Variants in AP2A2 observed in about 807,000 individuals in gnomAD.
The protein encoded by AP2A2 is AP-2 complex subunit alpha-2.
In AP2A2, 32 loss-of-function variants were observed where a neutral mutation model predicts 104.2. That is an observed-to-expected ratio of 0.31 (90% CI 0.23 to 0.41). AP2A2 has a LOEUF of 0.41. Ranked by LOEUF, AP2A2 falls within the 10% of genes least tolerant of loss-of-function variation. AP2A2 has a pLI of 1.00. For synonymous variants in AP2A2, 539 were observed against 533.3 expected, an observed-to-expected ratio of 1.01 and a Z score of -0.15; for missense variants, 912 against 1,261.0, an observed-to-expected ratio of 0.72 and a Z score of 4.19.
At chr11:962,356 C>T (rs987403310) in intron 2 of AP2A2, among the ~76,000 whole-genome samples, 9 of 152,218 alleles carry the variant, frequency 5.9e-5, no homozygotes, top group African/African-American at 2.2e-4. Context: ...AGATGAAATT[C>T]GAATGGGAGG....
At chr11:1,004,875 C>G (rs1590020728) in intron 16 of AP2A2, among the ~76,000 whole-genome samples, 1 of 151,966 alleles carries the variant, frequency 6.6e-6, no homozygotes, top group Non-Finnish European at 1.5e-5. Context: ...GACGTTGGAG[C>G]CTTGTACGCC....
chr11:929,198 T>C (rs1180069205), intron 1 of AP2A2, among the ~76,000 whole-genome samples: 1 of 152,196 alleles, frequency 6.6e-6, no homozygotes, highest in Admixed American at 6.5e-5. Context: ...TTGACCTCCA[T>C]GTCACAGGCA....
chr11:1,007,547 C>T (rs1049311515), intron 17 of AP2A2: 2 of 190,312 alleles, frequency 1.1e-5, no homozygotes, highest in African/African-American at 4.8e-5. Flanking sequence ...GTCACTGTTT[C>T]TTCAGGAGAG....
At chr11:941,808 A>T (rs1243749186) in intron 1 of AP2A2, among the ~76,000 whole-genome samples, 7 of 151,198 alleles carry the variant, frequency 4.6e-5, no homozygotes, top group African/African-American at 1.7e-4. Context: ...GCTGGTGTTG[A>T]ACTCCTGATC....
At chr11:1,007,876 T>A in intron 17 of AP2A2, 136 bp from the exon 18 acceptor site, 1 of 1,287,044 alleles carries the variant, frequency 7.8e-7, no homozygotes, top group African/African-American at 1.5e-5. Flanking sequence ...GTGGTGTGGC[T>A]GCCCTCGACC....
At chr11:1,000,023 G>C (rs1168654669) in intron 14 of AP2A2, among the ~76,000 whole-genome samples, 3 of 151,508 alleles carry the variant, frequency 2.0e-5, no homozygotes, top group Non-Finnish European at 4.4e-5. Flanking sequence ...AGCCAGGGTG[G>C]TCTCGATCTC....
At chr11:985,937 G>T (rs746294683) in intron 8 of AP2A2, among the ~76,000 whole-genome samples, 1 of 152,238 alleles carries the variant, frequency 6.6e-6, no homozygotes, top group South Asian at 2.1e-4. Flanking sequence ...ATGTGGAGCC[G>T]CACTTGGTGG....
intron 2 of AP2A2, among the ~76,000 whole-genome samples, chr11:969,928 C>A (rs1854760526): frequency 6.6e-6 from 1 of 152,150 alleles, no homozygotes; most frequent in South Asian, 2.1e-4. Flanking sequence ...ACTCTTGTTG[C>A]CAGATGTTCT....
At chr11:940,667 A>T (rs1209769601) in intron 1 of AP2A2, 1 of 368,888 alleles carries the variant, frequency 2.7e-6, no homozygotes, top group African/African-American at 2.1e-5. Flanking sequence ...GCATTGTCTC[A>T]TTGCTTTGAA....
At chr11:997,599 A>G (rs1590012631) in intron 14 of AP2A2, among the ~76,000 whole-genome samples, 1 of 152,226 alleles carries the variant, frequency 6.6e-6, no homozygotes, top group African/African-American at 2.4e-5. Context: ...TTCCTACTTT[A>G]GAAAGCAGTT....
chr11:958,936 C>T (rs996271209), intron 1 of AP2A2, among the ~76,000 whole-genome samples: 4 of 152,136 alleles, frequency 2.6e-5, no homozygotes, highest in African/African-American at 4.8e-5. Flanking sequence ...ATCTGTTTTG[C>T]GACTGCAGTT....
intron 4 of AP2A2, among the ~76,000 whole-genome samples, chr11:976,638 A>T (rs923702793): frequency 3.4e-5 from 5 of 146,676 alleles, no homozygotes; most frequent in Non-Finnish European, 7.5e-5. Flanking sequence ...CCTTTGCTCC[A>T]GGGGCAAGGG....
intron 8 of AP2A2, among the ~76,000 whole-genome samples, chr11:985,808 C>T (rs866691619): frequency 3.9e-5 from 6 of 152,204 alleles, no homozygotes; most frequent in African/African-American, 4.8e-5. Flanking sequence ...TCATCCCACA[C>T]GAGGGCCTTT....
At chr11:1,007,420 C>T (rs947041358) in intron 17 of AP2A2, 3 of 156,916 alleles carry the variant, frequency 1.9e-5, no homozygotes, top group South Asian at 1.9e-4. Flanking sequence ...GTCTCTCCCT[C>T]GGGGTCCACT....
intron 9 of AP2A2, among the ~76,000 whole-genome samples, chr11:988,036 G>T (rs887433030): frequency 6.6e-6 from 1 of 152,250 alleles, no homozygotes; most frequent in African/African-American, 2.4e-5. Flanking sequence ...ATTTGCACAC[G>T]GCCAGTGCTA....
At chr11:1,010,286 T>C (rs1856378817) in intron 21 of AP2A2, 1 of 573,700 alleles carries the variant, frequency 1.7e-6, no homozygotes, top group Non-Finnish European at 3.1e-6. Context: ...TGGTTAGTGC[T>C]GCAAGAACAT....
chr11:991,313 C>T (rs999414259), intron 10 of AP2A2, among the ~76,000 whole-genome samples: 9 of 152,244 alleles, frequency 5.9e-5, no homozygotes, highest in East Asian at 1.9e-4. Context: ...AGAGCAGGAC[C>T]GTGGGTTGCT....
intron 4 of AP2A2, among the ~76,000 whole-genome samples, chr11:973,497 C>G (rs1241530138): frequency 6.6e-6 from 1 of 152,164 alleles, no homozygotes; most frequent in East Asian, 1.9e-4. Context: ...CGCAAGAGCT[C>G]AGAGATGGGT....
intron 5 of AP2A2, among the ~76,000 whole-genome samples, chr11:979,180 TC>T (rs1855156342): frequency 6.7e-6 from 1 of 149,468 alleles, no homozygotes; most frequent in Admixed American, 6.7e-5. Flanking sequence ...GGGGAGGACG[TC>T]CTAAATGAGA....
Sources: gnomAD v4.1 joint callset for allele counts (sites outside exome capture counted in the v4.1 genomes callset) on GRCh38, gnomAD v4.1.1 for gene constraint, MANE v1.5 for transcripts, NCBI Gene and HGNC (gene_info 2026-07-23, HGNC 2026-07-21) for gene names.